DOCK2: variants seen among roughly 807,000 people sequenced by gnomAD.
DOCK2 encodes dedicator of cytokinesis 2, also known as dedicator of cytokinesis protein 2.
A neutral mutation model predicts 248.9 loss-of-function variants in DOCK2; 87 were observed. That is an observed-to-expected ratio of 0.35 (90% CI 0.29 to 0.42). The LOEUF is 0.42. Among genes scored for constraint, DOCK2 ranks in the 10% least tolerant of loss-of-function variants. The pLI is 1.00. For missense variants in DOCK2, 1,747 were observed against 2,300.2 expected (o/e 0.76, Z 4.92); for synonymous variants, 805 against 821.6 (o/e 0.98, Z 0.35).
Position 169,640,261 on chromosome 5 carries a change from G to A in DOCK2, c.43+2892G>A, listed in dbSNP as rs146927740. Among the ~76,000 whole-genome samples, 318 of 152,298 alleles carry A rather than the reference G, an allele frequency of 2.1e-3. 1 individual carries two copies. Among genetic ancestry groups the A allele is most frequent in the African/African-American group, 7.0e-3 (290 of 41,546 alleles). On this transcript the variant is annotated intron_variant, in intron 1 of 51. Coordinates refer to ENST00000520908, the MANE Select transcript of DOCK2 (RefSeq NM_004946.3). Reference sequence around the variant, plus strand: ...ACAAATAATCTGTGGTCTCTGGCATGGTATTTTGGGACTATAAAGAGGGCT... The same window carrying A: ...ACAAATAATCTGTGGTCTCTGGCATAGTATTTTGGGACTATAAAGAGGGCT...
intron 2 of DOCK2, among the ~76,000 whole-genome samples, chr5:169,659,222 A>G (rs13362388): frequency 6.6e-6 from 1 of 152,010 alleles, no homozygotes; most frequent in Non-Finnish European, 1.5e-5. Flanking sequence ...TTTGAATTAG[A>G]AAGTTATTCC....
chr5:169,703,593 G>A (rs999141037), intron 14 of DOCK2, among the ~76,000 whole-genome samples: 11 of 152,146 alleles, frequency 7.2e-5, no homozygotes, highest in African/African-American at 2.4e-4. Context: ...GCAAATTTGG[G>A]AAGATTCATA....
chr5:170,078,001 A>G (rs543142613), intron 48 of DOCK2, among the ~76,000 whole-genome samples, 164 bp downstream of exon 48: 1 of 152,222 alleles, frequency 6.6e-6, no homozygotes, highest in East Asian at 1.9e-4. Context: ...CAGGAGGCTC[A>G]TGGTTAGTAC....
chr5:169,637,471 C>T (rs1404624936), intron 1 of DOCK2, 102 bp downstream of exon 1: 78 of 1,239,972 alleles, frequency 6.3e-5, no homozygotes, highest in Non-Finnish European at 8.0e-5. Context: ...GGGCAGGGCG[C>T]GCTGCCTGCA....
chr5:169,790,896 A>G (rs544269336), intron 25 of DOCK2, among the ~76,000 whole-genome samples: 21 of 152,288 alleles, frequency 1.4e-4, no homozygotes, highest in African/African-American at 5.1e-4. Context: ...CCAAAGCTCT[A>G]CTTACTATGC....
chr5:170,008,057 C>A (rs919054381), intron 30 of DOCK2, among the ~76,000 whole-genome samples: 16 of 152,118 alleles, frequency 1.1e-4, no homozygotes, highest in African/African-American at 3.9e-4. Flanking sequence ...TTAGGGAGGA[C>A]TTCCAGAGAG....
intron 33 of DOCK2, among the ~76,000 whole-genome samples, chr5:170,020,360 G>C (rs1333696739): frequency 6.6e-6 from 1 of 152,060 alleles, no homozygotes; most frequent in Non-Finnish European, 1.5e-5. Context: ...CCCCATTCCT[G>C]TTATTTGATG....
intron 1 of DOCK2, among the ~76,000 whole-genome samples, chr5:169,644,239 A>C (rs1757321469): frequency 6.6e-6 from 1 of 152,134 alleles, no homozygotes; most frequent in African/African-American, 2.4e-5. Context: ...CTTAAGTTTT[A>C]AGAGGATTGA....
At chr5:170,060,868 A>G (rs1757304207) in intron 44 of DOCK2, among the ~76,000 whole-genome samples, 1 of 152,088 alleles carries the variant, frequency 6.6e-6, no homozygotes, top group South Asian at 2.1e-4. Flanking sequence ...CGTCTCTACT[A>G]AAAATACAAA....
Position 169,712,157 on chromosome 5 carries a change from T to C in DOCK2, c.1593T>C (p.Tyr531=). 2 of 1,614,100 alleles carry C rather than the reference T, an allele frequency of 1.2e-6. No individual in the cohort carries two copies. Among genetic ancestry groups the C allele is most frequent in the Non-Finnish European group, 8.5e-7 (1 of 1,179,970 alleles). ...GAGAAAAGAACTTTGCCATGTCCTATGTGAAGCTGATGAAAGAAGATGGGA... is the reference window on the plus strand; with the variant it reads ...GAGAAAAGAACTTTGCCATGTCCTACGTGAAGCTGATGAAAGAAGATGGGA... ...DKGEKNFAMS[Y]VKLMKEDGTT... The change falls in exon 17 of 52, where the codon TAT becomes TAC. Residue 531 remains tyrosine (Y), a synonymous_variant. Coordinates refer to ENST00000520908, the MANE Select transcript of DOCK2 (RefSeq NM_004946.3).
At chr5:169,762,771 A>G (rs755741704) in intron 25 of DOCK2, among the ~76,000 whole-genome samples, 3 of 152,272 alleles carry the variant, frequency 2.0e-5, no homozygotes, top group Non-Finnish European at 4.4e-5. Context: ...ACTGGTGTCA[A>G]TAATAAAATG....
chr5:170,054,512 G>A (rs1268530663), intron 41 of DOCK2, among the ~76,000 whole-genome samples: 1 of 152,216 alleles, frequency 6.6e-6, no homozygotes, highest in African/African-American at 2.4e-5. Flanking sequence ...CCTGTTGCAG[G>A]CATCACTAAT....
rs770476805 is a variant in DOCK2 at position 169,716,304 on chromosome 5, TAA to T, written c.2031+3_2031+4del. Reference sequence around the variant, plus strand: ...GACATCCTCGTCTTTGATGCCTTGGTAAGAGAGAGGGGAAAAGTGTCTAGTGA... The same window carrying T: ...GACATCCTCGTCTTTGATGCCTTGGTGAGAGAGGGGAAAAGTGTCTAGTGA... On this transcript the variant is annotated splice_donor_region_variant and intron_variant, in intron 20 of 51. Transcript: ENST00000520908. The T allele has an allele frequency of 7.9e-5, 127 of 1,613,234 alleles. No individual in the cohort carries two copies. Among genetic ancestry groups the T allele is most frequent in the Middle Eastern group, 1.6e-4 (1 of 6,078 alleles).
chr5:169,858,059 A>C (rs1770991316), intron 27 of DOCK2, among the ~76,000 whole-genome samples: 1 of 152,218 alleles, frequency 6.6e-6, no homozygotes, highest in African/African-American at 2.4e-5. Context: ...ATGAGGACTG[A>C]AGGACCAGGG....
At chr5:169,973,826 T>C (rs945145853) in intron 27 of DOCK2, among the ~76,000 whole-genome samples, 1 of 152,212 alleles carries the variant, frequency 6.6e-6, no homozygotes, top group Non-Finnish European at 1.5e-5. Context: ...TATCTGTGTA[T>C]ATCATCTAGC....
Position 169,702,150 on chromosome 5 carries a change from T to C in DOCK2, c.1259-153T>C, listed in dbSNP as rs1020899947. 32 of 886,450 alleles carry C rather than the reference T, an allele frequency of 3.6e-5. No individual in the cohort carries two copies. In the Admixed American group the frequency reaches 9.4e-4, roughly 26 times the overall value. 54.9% of individuals were successfully genotyped at this position (886,450 alleles called of 1,614,324 possible). ...TTACCTACTTCTCCAGCCTCCCTGA[T>C]GAGGGAAAAATGCTTTCTCTAAGCA... On this transcript the variant is annotated intron_variant, in intron 13 of 51. Coordinates refer to ENST00000520908, the MANE Select transcript of DOCK2 (RefSeq NM_004946.3).
chr5:170,008,827 G>A, intron 32 of DOCK2, 81 bp downstream of exon 32: 1 of 1,545,984 alleles, frequency 6.5e-7, no homozygotes, highest in Admixed American at 1.7e-5. Flanking sequence ...GAGGGCCACA[G>A]GGGTTTTAGC....
intron 15 of DOCK2, among the ~76,000 whole-genome samples, chr5:169,711,130 A>G (rs1761561269): frequency 6.6e-6 from 1 of 152,252 alleles, no homozygotes; most frequent in African/African-American, 2.4e-5. Flanking sequence ...TTTCTGCAAC[A>G]GAAAGTGCCC....
At chr5:169,676,821 T>G (rs1464050300) in intron 6 of DOCK2, among the ~76,000 whole-genome samples, 3 of 152,218 alleles carry the variant, frequency 2.0e-5, no homozygotes, top group African/African-American at 7.2e-5. Flanking sequence ...AAACTTTCTT[T>G]GCACACCTGG....
Sources: gnomAD v4.1 joint callset for allele counts (sites outside exome capture counted in the v4.1 genomes callset) on GRCh38, gnomAD v4.1.1 for gene constraint, MANE v1.5 for transcripts, NCBI Gene and HGNC (gene_info 2026-07-23, HGNC 2026-07-21) for gene names.